The following CYBB variants were observed in gnomAD, a reference collection of about 807,000 sequenced individuals.
CYBB encodes the protein NADPH oxidase 2.
CYBB carries 5 observed loss-of-function variants against 46.5 expected under a neutral mutation model. That is an observed-to-expected ratio of 0.11 (90% CI 0.06 to 0.23). The LOEUF (loss-of-function observed/expected upper bound fraction) is 0.23, where lower values mean the gene tolerates loss of function less well. Among genes scored for constraint, CYBB ranks in the 10% least tolerant of loss-of-function variants. The pLI is 1.00. For synonymous variants in CYBB, 183 were observed against 156.7 expected (o/e 1.17, Z -1.26); for missense variants, 307 against 428.3 (o/e 0.72, Z 2.50).
rs182093867 is a variant in CYBB, at chrX:37,783,837, G to A, written c.252+237G>A. Reference sequence around the variant, plus strand: ...CAAAACCACCTATACCTCAACAGTAGCAATGAAGTAGCACACACGTACACG... The same window carrying A: ...CAAAACCACCTATACCTCAACAGTAACAATGAAGTAGCACACACGTACACG... On this transcript the variant is annotated intron_variant, in intron 3 of 12. Transcript: ENST00000378588. 3.3e-3 allele frequency among the ~76,000 whole-genome samples: 366 copies of A among 110,386 alleles called. 2 individuals are homozygous for A. Among genetic ancestry groups the A allele is most frequent in the South Asian group, 0.01 (27 of 2,626 alleles).
intron 3 of CYBB, among the ~76,000 whole-genome samples, chrX:37,790,758 T>C (rs1178161203): frequency 9.0e-6 from 1 of 111,421 alleles, no homozygotes; most frequent in Non-Finnish European, 1.9e-5. Context: ...AAGCCAAATA[T>C]TAAACACCCC....
rs1468244960 is a variant in CYBB at position 37,812,900 on chromosome X, A to G, written c.*1983A>G. The G allele has an allele frequency of 8.9e-6, 1 of 112,256 alleles. No homozygotes were observed. The highest frequency in any genetic ancestry group is 1.9e-5 in the Non-Finnish European group (1 of 53,221). The allele number at this position is 112,256 out of a possible 1,213,427, so 9.3% of individuals were successfully genotyped here. ...TATTACTATGAGTCAGGCTCTGTTT[A>G]TTGTTTCAATTCTTTACACCAAAGT... is the stretch of plus-strand genomic sequence containing the variant. On this transcript the variant is annotated 3_prime_UTR_variant, in exon 13 of 13. Coordinates refer to ENST00000378588, the MANE Select transcript of CYBB (RefSeq NM_000397.4).
At position 37,806,549 on chromosome X, in the gene CYBB, CA is replaced by C. The variant is rs782760644; in HGVS notation, c.1461+18del. The stretch of plus-strand genomic sequence containing the variant: ...TGAGTCTCAGGTAAGGACAAGACTC[CA>C]AGGCTCAGGTCCTTCCCATAGTGTA... On this transcript the variant is annotated intron_variant, in intron 11 of 12. Coordinates refer to ENST00000378588, the MANE Select transcript of CYBB (RefSeq NM_000397.4). 1.5e-5 allele frequency: 18 copies of C among 1,200,238 alleles called. No homozygotes were observed. Among genetic ancestry groups the C allele is most frequent in the Non-Finnish European group, 1.9e-5 (17 of 887,840 alleles).
intron 3 of CYBB, among the ~76,000 whole-genome samples, chrX:37,789,642 TTGTAA>T (rs1929153747): frequency 9.0e-6 from 1 of 110,604 alleles, no homozygotes; most frequent in African/African-American, 3.3e-5. Context: ...TTTTCAGCAC[TTGTAA>T]TGAACACAAA....
intron 11 of CYBB, 36 bp from the exon 12 acceptor site, chrX:37,809,531 T>C (rs1463200308): frequency 8.5e-7 from 1 of 1,174,482 alleles, no homozygotes; most frequent in Non-Finnish European, 1.1e-6. Context: ...TTACAGAATG[T>C]CTCTTTTTTT....
At position 37,802,635 on chromosome X, in the gene CYBB, C is replaced by T. The variant is rs192937938; in HGVS notation, c.898-1242C>T. On this transcript the variant is annotated intron_variant, in intron 8 of 12. Transcript: ENST00000378588. ...CTGTTTTCAAAATGAAGCTTTACAA[C>T]TCCTTATTTCAGAACAGAAGGGAAG... Among the ~76,000 whole-genome samples, 567 of 111,901 alleles carry T rather than the reference C, an allele frequency of 5.1e-3. 8 individuals are homozygous for T. The highest frequency in any genetic ancestry group is 0.018 in the African/African-American group (544 of 30,819).
chrX:37,798,995 C>T lies in CYBB; in HGVS notation c.715C>T (p.His239Tyr). Reference sequence around the variant, plus strand: ...GCAGACCGCAGAGAGTTTGGCTGTGCATAATATAACAGTTTGTGAACAAAA... The same window carrying T: ...GCAGACCGCAGAGAGTTTGGCTGTGTATAATATAACAGTTTGTGAACAAAA... ...RGQTAESLAV[H>Y]NITVCEQKIS... Residue 239 changes from histidine to tyrosine, a missense_variant, in exon 7 of 13, where the codon CAT (histidine) becomes TAT (tyrosine). Coordinates refer to ENST00000378588, the MANE Select transcript of CYBB (RefSeq NM_000397.4). 8.3e-7 allele frequency: 1 copy of T among 1,206,983 alleles called. No individual in the cohort carries two copies. Among genetic ancestry groups the T allele is most frequent in the Non-Finnish European group, 1.1e-6 (1 of 891,881 alleles).
intron 3 of CYBB, among the ~76,000 whole-genome samples, chrX:37,788,610 A>T (rs573485629): frequency 5.5e-4 from 61 of 111,647 alleles, no homozygotes; most frequent in African/African-American, 1.8e-3. Context: ...GGGACTAACT[A>T]TGATAATTAT....
At chrX:37,793,178 T>C (rs1195297821) in intron 4 of CYBB, among the ~76,000 whole-genome samples, 1 of 107,149 alleles carries the variant, frequency 9.3e-6, no homozygotes, top group Non-Finnish European at 1.9e-5. Flanking sequence ...CTTATGGCCA[T>C]AGGTTTGTAT....
chrX:37,788,961 T>C (rs1556466195), intron 3 of CYBB, among the ~76,000 whole-genome samples: 1 of 111,569 alleles, frequency 9.0e-6, no homozygotes, highest in East Asian at 2.8e-4. Flanking sequence ...ATCAAGGTGT[T>C]TTCTGGGCTG....
chrX:37,793,716 G>A lies in CYBB; in HGVS notation c.389G>A (p.Arg130Gln). 8.3e-7 allele frequency: 1 copy of A among 1,207,305 alleles called. No homozygotes were observed. The highest frequency in any genetic ancestry group is 1.1e-6 in the Non-Finnish European group (1 of 892,210). Reference sequence around the variant, plus strand: ...AATGTGGAATGGTGTGTGAATGCCCGAGTCAATAATTCTGATCCTTATTCA... The same window carrying A: ...AATGTGGAATGGTGTGTGAATGCCCAAGTCAATAATTCTGATCCTTATTCA... ...LFNVEWCVNA[R>Q]VNNSDPYSVA... is the part of the protein sequence containing the mutation. Residue 130 changes from arginine (R) to glutamine (Q), a missense_variant, in exon 5 of 13, where the codon CGA becomes CAA. Coordinates refer to ENST00000378588, the MANE Select transcript of CYBB (RefSeq NM_000397.4).
chrX:37,812,293 C>T lies in CYBB; in HGVS notation c.*1376C>T, dbSNP rs1929691760. The T allele has an allele frequency of 1.8e-5, 2 of 111,712 alleles. No individual in the cohort carries two copies. Among genetic ancestry groups the T allele is most frequent in the Admixed American group, 1.9e-4 (2 of 10,529 alleles). The allele number at this position is 111,712 out of a possible 1,213,427, so 9.2% of individuals were successfully genotyped here. ...CTGCTCCCATTTCTGGGAACTAAAA[C>T]CAGTTTTATTTGCCCCACCCCTTGG... On this transcript the variant is annotated 3_prime_UTR_variant, in exon 13 of 13. Transcript: ENST00000378588.
chrX:37,798,930 A>G (rs1335321075), intron 6 of CYBB, 25 bp from the exon 7 acceptor site: 2 of 1,189,123 alleles, frequency 1.7e-6, no homozygotes, highest in East Asian at 3.0e-5. Flanking sequence ...TTACTAAATG[A>G]TCTGGACTTA....
chrX:37,792,185 T>A, intron 4 of CYBB, 126 bp downstream of exon 4: 1 of 506,423 alleles, frequency 2.0e-6, no homozygotes, highest in Non-Finnish European at 3.5e-6. Context: ...ATTTTTTTAA[T>A]GAGTTTTGCT....
intron 7 of CYBB, 89 bp downstream of exon 7, chrX:37,799,173 A>G (rs1929383481): frequency 1.3e-5 from 11 of 864,867 alleles, no homozygotes; most frequent in Non-Finnish European, 1.9e-5. Flanking sequence ...TTATACATCT[A>G]TATAGATGTC....
intron 11 of CYBB, 52 bp downstream of exon 11, chrX:37,806,585 C>T (rs1256855445): frequency 4.7e-5 from 52 of 1,104,990 alleles, no homozygotes; most frequent in Non-Finnish European, 6.0e-5. Flanking sequence ...ACAGGGCTTA[C>T]GAACTTCCCC....
chrX:37,806,870 GTCTCTCTGTCTCTC>G (rs1322094104), intron 11 of CYBB, among the ~76,000 whole-genome samples: 5 of 104,455 alleles, frequency 4.8e-5, no homozygotes, highest in African/African-American at 1.6e-4. Context: ...CTCTCTCTCT[GTCTCTCTGTCTCTC>G]TCTCTCTGTC....
intron 8 of CYBB, among the ~76,000 whole-genome samples, chrX:37,801,660 G>C (rs1235802716): frequency 9.3e-6 from 1 of 107,251 alleles, no homozygotes; most frequent in East Asian, 2.9e-4. Context: ...GTTTGTGGAG[G>C]GGAAGGCGAC....
rs1012366630 is a variant in CYBB, at chrX:37,811,359, C to T, written c.*442C>T. On this transcript the variant is annotated 3_prime_UTR_variant, in exon 13 of 13. Transcript: ENST00000378588. ...TATATTCCCCAAAAGAAGAAGGAAACCAAGGAGTAGCTATATATTTCTACT... is the reference window on the plus strand; with the variant it reads ...TATATTCCCCAAAAGAAGAAGGAAATCAAGGAGTAGCTATATATTTCTACT... 2 of 137,561 alleles carry T rather than the reference C, an allele frequency of 1.5e-5. No individual in the cohort carries two copies. Among genetic ancestry groups the T allele is most frequent in the Admixed American group, 7.8e-5 (1 of 12,796 alleles). 11.3% of individuals were successfully genotyped at this position (137,561 alleles called of 1,213,427 possible).
Sources: gnomAD v4.1 joint callset for allele counts (sites outside exome capture counted in the v4.1 genomes callset) on GRCh38, gnomAD v4.1.1 for gene constraint, MANE v1.5 for transcripts, NCBI Gene and HGNC (gene_info 2026-07-23, HGNC 2026-07-21) for gene names.